Variants in ZNF804A observed in about 807,000 individuals in gnomAD.
ZNF804A encodes zinc finger protein 804A.
Under a neutral mutation model 16.5 loss-of-function variants are expected in ZNF804A, and 2 were observed. The ratio of observed to expected loss-of-function variants is 0.12; its 90% CI spans 0.05 to 0.38. The LOEUF is 0.38. ZNF804A is among the 10% of genes least tolerant of loss of function. The pLI is 0.99. For synonymous variants in ZNF804A, 534 were observed against 489.6 expected (o/e 1.09, Z -1.20); for missense variants, 1,473 against 1,390.7 (o/e 1.06, Z -0.94).
intron 2 of ZNF804A, among the ~76,000 whole-genome samples, chr2:184,879,053 A>G (rs1189621099): frequency 6.6e-6 from 1 of 152,048 alleles, no homozygotes; most frequent in East Asian, 1.9e-4. Flanking sequence ...ATAACTTATG[A>G]TAACAAATTA....
chr2:184,669,373 GAC>G (rs1178136927), intron 1 of ZNF804A, among the ~76,000 whole-genome samples: 19 of 152,166 alleles, frequency 1.2e-4, no homozygotes, highest in African/African-American at 3.9e-4. Flanking sequence ...TGAAAGAACA[GAC>G]ACAGTTTCAA....
chr2:184,914,725 G>C (rs767435789), intron 2 of ZNF804A, among the ~76,000 whole-genome samples: 3 of 151,650 alleles, frequency 2.0e-5, no homozygotes, highest in Non-Finnish European at 2.9e-5. Flanking sequence ...TTTTGAAAAA[G>C]ATAAAAAGAA....
chr2:184,758,843 T>C (rs1361162717), intron 1 of ZNF804A, among the ~76,000 whole-genome samples: 1 of 151,980 alleles, frequency 6.6e-6, no homozygotes, highest in Non-Finnish European at 1.5e-5. Context: ...ATTGAGAATT[T>C]TAAATTTCAC....
intron 1 of ZNF804A, among the ~76,000 whole-genome samples, chr2:184,636,321 T>TGTGA (rs1553521509): frequency 0.013 from 1,963 of 147,744 alleles, 31 homozygotes; most frequent in African/African-American, 0.046. Context: ...TGTGTGTGTG[T>TGTGA]GAGAGAGAGA....
At chr2:184,880,189 C>A (rs1363404216) in intron 2 of ZNF804A, among the ~76,000 whole-genome samples, 2 of 151,860 alleles carry the variant, frequency 1.3e-5, no homozygotes, top group Non-Finnish European at 2.9e-5. Flanking sequence ...CCAGATTTGT[C>A]ACTGTTAAGA....
intron 1 of ZNF804A, among the ~76,000 whole-genome samples, chr2:184,625,655 G>T (rs984360712): frequency 2.0e-5 from 3 of 152,074 alleles, no homozygotes; most frequent in Non-Finnish European, 2.9e-5. Flanking sequence ...ATAGTATAAA[G>T]CAGAGTGGGA....
chr2:184,937,864 T>C lies in ZNF804A; in HGVS notation c.2468T>C (p.Phe823Ser), dbSNP rs143797845. ...RRKRGRFHPG[F>S]ETLELKENTD... The stretch of plus-strand genomic sequence containing the variant: ...AAAAGAGGCAGATTCCACCCCGGAT[T>C]TGAAACTTTAGAACTCAAAGAAAAT... The change falls in exon 4 of 4, where the codon TTT (phenylalanine) becomes TCT (serine). Residue 823 changes from phenylalanine to serine, a missense_variant. Transcript: ENST00000302277. The C allele has an allele frequency of 1.4e-4, 219 of 1,614,106 alleles. No individual in the cohort carries two copies. The African/African-American group carries it at 1.9e-3, about 14-fold the overall frequency.
At chr2:184,807,948 G>T (rs1361908833) in intron 1 of ZNF804A, among the ~76,000 whole-genome samples, 4 of 151,384 alleles carry the variant, frequency 2.6e-5, no homozygotes, top group African/African-American at 9.7e-5. Context: ...TAATTATTTG[G>T]TTCTGAACCG....
intron 2 of ZNF804A, among the ~76,000 whole-genome samples, chr2:184,912,287 A>C (rs1288207572): frequency 6.6e-6 from 1 of 151,890 alleles, no homozygotes; most frequent in Non-Finnish European, 1.5e-5. Flanking sequence ...ATACAATACA[A>C]TTTTTTTGTG....
intron 1 of ZNF804A, among the ~76,000 whole-genome samples, chr2:184,662,463 A>G (rs562244324): frequency 1.3e-5 from 2 of 152,328 alleles, no homozygotes; most frequent in South Asian, 4.1e-4. Context: ...GAGATAACTC[A>G]TTAGTCTACT....
intron 1 of ZNF804A, among the ~76,000 whole-genome samples, chr2:184,861,558 G>T (rs1195091303): frequency 6.6e-6 from 1 of 152,076 alleles, no homozygotes. Flanking sequence ...CTAATGCTGG[G>T]CTCTGATAAA....
intron 1 of ZNF804A, among the ~76,000 whole-genome samples, chr2:184,627,713 T>C (rs1299020691): frequency 3.9e-5 from 6 of 152,210 alleles, no homozygotes; most frequent in African/African-American, 1.4e-4. Context: ...TTTGCCATGA[T>C]TATTAATCAT....
rs779929990 is a variant in ZNF804A, at chr2:184,695,465, T to TAAAAAA, written c.111+96417_111+96422dup. On this transcript the variant is annotated intron_variant, in intron 1 of 3. Transcript: ENST00000302277. ...GGGCGACAGAGCGAGACTCCGTCAT[T>TAAAAAA]AAAAAAAAAAAAAAAAAAAAAAAAA... Among the ~76,000 whole-genome samples the TAAAAAA allele has an allele frequency of 2.4e-3, 123 of 51,816 alleles. 7 individuals carry two copies. The highest frequency in any genetic ancestry group is 0.011 in the African/African-American group (115 of 10,592). The allele number at this position is 51,816 out of a possible 152,430, so 34.0% of individuals were successfully genotyped here.
At chr2:184,931,500 G>T (rs2105841532) in intron 2 of ZNF804A, among the ~76,000 whole-genome samples, 1 of 152,318 alleles carries the variant, frequency 6.6e-6, no homozygotes, top group African/African-American at 2.4e-5. Flanking sequence ...GGCCTGAGCT[G>T]TACATTGGCC....
intron 1 of ZNF804A, among the ~76,000 whole-genome samples, chr2:184,797,830 T>G (rs998561029): frequency 2.0e-5 from 3 of 152,142 alleles, no homozygotes; most frequent in African/African-American, 7.2e-5. Context: ...TTAAAGAGTT[T>G]CTGTTTTGAT....
At chr2:184,906,816 A>G (rs1477960206) in intron 2 of ZNF804A, among the ~76,000 whole-genome samples, 1 of 152,176 alleles carries the variant, frequency 6.6e-6, no homozygotes, top group Admixed American at 6.5e-5. Context: ...TGAGCTCTTT[A>G]AAAATGTGGA....
chr2:184,816,118 A>T (rs1284521423), intron 1 of ZNF804A, among the ~76,000 whole-genome samples: 1 of 151,936 alleles, frequency 6.6e-6, no homozygotes, highest in East Asian at 1.9e-4. Flanking sequence ...GCAATAAAAG[A>T]CTCCAGAGAT....
At chr2:184,646,582 C>T (rs1691878279) in intron 1 of ZNF804A, among the ~76,000 whole-genome samples, 1 of 152,232 alleles carries the variant, frequency 6.6e-6, no homozygotes, top group African/African-American at 2.4e-5. Flanking sequence ...GAATTCAGAG[C>T]ACCTGCTCAC....
At chr2:184,657,820 G>T (rs1001484326) in intron 1 of ZNF804A, among the ~76,000 whole-genome samples, 2 of 152,062 alleles carry the variant, frequency 1.3e-5, no homozygotes, top group African/African-American at 4.8e-5. Context: ...AAAGGTAGTT[G>T]GTCTAGAAAG....
Sources: gnomAD v4.1 joint callset for allele counts (sites outside exome capture counted in the v4.1 genomes callset) on GRCh38, gnomAD v4.1.1 for gene constraint, MANE v1.5 for transcripts, NCBI Gene and HGNC (gene_info 2026-07-23, HGNC 2026-07-21) for gene names.